ADAMTSL1: variants seen among roughly 807,000 people sequenced by gnomAD.
ADAMTSL1 encodes ADAMTS like 1.
ADAMTSL1 carries 126 observed loss-of-function variants against 201.8 expected under a neutral mutation model. The observed-to-expected ratio is 0.62, with a 90% confidence interval of 0.54 to 0.72. ADAMTSL1 has a LOEUF of 0.72. ADAMTSL1 is among the 30% of genes least tolerant of loss of function. ADAMTSL1 has a pLI of 0.00. For missense variants in ADAMTSL1, 2,679 were observed against 2,277.8 expected (o/e 1.18, Z -3.59); for synonymous variants, 1,121 against 903.4 (o/e 1.24, Z -4.32).
intron 1 of ADAMTSL1, among the ~76,000 whole-genome samples, chr9:18,480,480 A>T (rs940659965): frequency 8.5e-5 from 13 of 152,190 alleles, no homozygotes; most frequent in African/African-American, 2.9e-4. Flanking sequence ...GAATGACTAC[A>T]TGGAGCACAG....
chr9:18,167,161 A>T (rs1044260246), intron 2 of ADAMTSL1, among the ~76,000 whole-genome samples: 4 of 151,990 alleles, frequency 2.6e-5, no homozygotes, highest in Non-Finnish European at 4.4e-5. Flanking sequence ...AATAGTCAAG[A>T]CACAGATCAT....
intron 2 of ADAMTSL1, among the ~76,000 whole-genome samples, chr9:18,505,233 G>GGATAGGAGTAT (rs1823062281): frequency 6.6e-6 from 1 of 152,170 alleles, no homozygotes; most frequent in African/African-American, 2.4e-5. Context: ...CTGTTTTCAT[G>GGATAGGAGTAT]TTAGGACTGG....
At chr9:18,102,009 C>T (rs878951) in intron 1 of ADAMTSL1, among the ~76,000 whole-genome samples, 31,051 of 152,020 alleles carry the variant, frequency 0.2, 5,486 homozygotes, top group African/African-American at 0.47. Context: ...ATTTAGCTCC[C>T]GTGTGTGGGC....
chr9:18,809,795 CAAAA>C lies in ADAMTSL1; in HGVS notation c.3806-7309_3806-7306del, dbSNP rs201712099. Among the ~76,000 whole-genome samples the C allele has an allele frequency of 2.0e-5, 3 of 150,740 alleles. No individual in the cohort carries two copies. The East Asian group carries it at 5.8e-4, about 29-fold the overall frequency. Reference sequence around the variant, plus strand: ...CAAGAGCGAAACTCCATCTCAAAAACAAAAAAAAGAAAAGAAAAAGAGCTTGAAG... The same window carrying C: ...CAAGAGCGAAACTCCATCTCAAAAACAAAAGAAAAGAAAAAGAGCTTGAAG... On this transcript the variant is annotated intron_variant, in intron 20 of 28. Coordinates refer to ENST00000380548, the MANE Select transcript of ADAMTSL1 (RefSeq NM_001040272.6).
chr9:17,925,398 A>G (rs1190695619), intron 1 of ADAMTSL1, among the ~76,000 whole-genome samples: 1 of 112,854 alleles, frequency 8.9e-6, no homozygotes, highest in Non-Finnish European at 1.9e-5. Flanking sequence ...ATAAAGACAC[A>G]TGCACACGTA....
At chr9:18,293,068 A>T (rs1458874776) in intron 2 of ADAMTSL1, among the ~76,000 whole-genome samples, 2 of 152,196 alleles carry the variant, frequency 1.3e-5, no homozygotes, top group Non-Finnish European at 2.9e-5. Flanking sequence ...TAGTACTTTG[A>T]GGGAATACTA....
At chr9:18,246,455 T>C (rs1259245092) in intron 2 of ADAMTSL1, among the ~76,000 whole-genome samples, 3 of 152,100 alleles carry the variant, frequency 2.0e-5, no homozygotes, top group Non-Finnish European at 2.9e-5. Flanking sequence ...AAGAGAAAGA[T>C]AAAAACATCA....
chr9:18,336,961 T>A (rs1251081054), intron 2 of ADAMTSL1, among the ~76,000 whole-genome samples: 4 of 152,144 alleles, frequency 2.6e-5, no homozygotes, highest in Non-Finnish European at 5.9e-5. Context: ...TTTATTAAGT[T>A]GTCTTTTGAA....
intron 19 of ADAMTSL1, 39 bp from the exon 20 acceptor site, chr9:18,795,358 T>C (rs1381050294): frequency 6.2e-6 from 10 of 1,611,092 alleles, no homozygotes; most frequent in Non-Finnish European, 8.5e-6. Flanking sequence ...AGGAGTCAAC[T>C]GACTTGACCA....
rs147272872 is a variant in ADAMTSL1 at position 18,235,521 on chromosome 9, C to T, written c.207+71540C>T. Among the ~76,000 whole-genome samples, 745 of 152,312 alleles carry T rather than the reference C, an allele frequency of 4.9e-3. 6 individuals are homozygous for T. The highest frequency in any genetic ancestry group is 0.016 in the African/African-American group (681 of 41,580). ...TTTATATGCTTCTAGAGCTGCCCTG[C>T]TATACCTACACAGGTATTAGCTCTA... On this transcript the variant is annotated intron_variant, in intron 2 of 29. Transcript: ENST00000680146.
intron 1 of ADAMTSL1, among the ~76,000 whole-genome samples, chr9:17,930,517 T>C (rs1435193290): frequency 6.6e-6 from 1 of 152,098 alleles, no homozygotes; most frequent in Non-Finnish European, 1.5e-5. Flanking sequence ...AGGATAGCTG[T>C]GAGCTTAGGA....
At chr9:18,305,677 G>C (rs1262700585) in intron 2 of ADAMTSL1, among the ~76,000 whole-genome samples, 1 of 152,204 alleles carries the variant, frequency 6.6e-6, no homozygotes, top group Non-Finnish European at 1.5e-5. Context: ...TCTGGTAAAG[G>C]CATCTCTGAA....
intron 2 of ADAMTSL1, among the ~76,000 whole-genome samples, chr9:18,289,175 ACC>A (rs1563861619): frequency 2.9e-3 from 338 of 117,214 alleles, no homozygotes; most frequent in Middle Eastern, 0.01. Context: ...CTATCTATCT[ACC>A]TACCTATCTA....
Position 18,316,395 on chromosome 9 carries a change from A to G in ADAMTSL1, c.207+152414A>G, listed in dbSNP as rs367558687. 5.3e-5 allele frequency among the ~76,000 whole-genome samples: 8 copies of G among 152,206 alleles called. No individual in the cohort carries two copies. The South Asian group carries it at 6.3e-4, about 12-fold the overall frequency. ...AGACTGGGGTCCATTTCACCCCTGC[A>G]GTCTTGACCATAAGAGACGGGCACA... On this transcript the variant is annotated intron_variant, in intron 2 of 29. Transcript: ENST00000680146.
chr9:18,420,748 G>A (rs1266596467), intron 2 of ADAMTSL1, among the ~76,000 whole-genome samples: 2 of 152,138 alleles, frequency 1.3e-5, no homozygotes, highest in East Asian at 3.8e-4. Context: ...AATGAATGGG[G>A]GAATGAAATC....
chr9:18,517,896 A>T (rs1460518697), intron 2 of ADAMTSL1, among the ~76,000 whole-genome samples: 11 of 152,254 alleles, frequency 7.2e-5, no homozygotes, highest in Non-Finnish European at 1.3e-4. Context: ...TGTAGAACAG[A>T]TGTGAGGCCG....
At chr9:18,647,984 G>T (rs1159008540) in intron 7 of ADAMTSL1, among the ~76,000 whole-genome samples, 3 of 149,586 alleles carry the variant, frequency 2.0e-5, no homozygotes, top group African/African-American at 4.9e-5. Context: ...GTTGACAGTG[G>T]GGTGTTAAAG....
At chr9:17,999,939 AT>A (rs1198032891) in intron 1 of ADAMTSL1, among the ~76,000 whole-genome samples, 1 of 148,074 alleles carries the variant, frequency 6.8e-6, no homozygotes, top group African/African-American at 2.6e-5. Flanking sequence ...TGAACTCATC[AT>A]TTTTTATGGC....
chr9:18,291,318 G>T (rs941235392), intron 2 of ADAMTSL1, among the ~76,000 whole-genome samples: 1 of 152,096 alleles, frequency 6.6e-6, no homozygotes, highest in East Asian at 1.9e-4. Flanking sequence ...AAGTCAGAAC[G>T]CTTCAATAAT....
Sources: allele counts gnomAD v4.1 joint callset (sites outside exome capture counted in the v4.1 genomes callset), GRCh38; gene constraint gnomAD v4.1.1; transcripts MANE v1.5; gene names NCBI Gene and HGNC (gene_info 2026-07-23, HGNC 2026-07-21).